ZNF92: variants seen among roughly 807,000 people sequenced by gnomAD.
ZNF92 encodes the protein zinc finger protein 92.
ZNF92 carries 11 observed loss-of-function variants against 12.4 expected under a neutral mutation model. That is an observed-to-expected ratio of 0.89 (90% CI 0.56 to 1.47). The LOEUF (loss-of-function observed/expected upper bound fraction) is 1.47, where lower values mean the gene tolerates loss of function less well. ZNF92 is among the 40% of genes most tolerant of loss of function. The pLI is 0.00. For missense variants in ZNF92, 622 were observed against 681.0 expected, an observed-to-expected ratio of 0.91 and a Z score of 0.96; for synonymous variants, 206 against 228.6, an observed-to-expected ratio of 0.90 and a Z score of 0.89.
intron 1 of ZNF92, among the ~76,000 whole-genome samples, chr7:65,386,595 A>G (rs1213656814): frequency 6.6e-6 from 1 of 152,128 alleles, no homozygotes; most frequent in Non-Finnish European, 1.5e-5. Context: ...TACTACCCAG[A>G]AAGTTCTGAA....
Position 65,399,957 on chromosome 7 carries a change from G to GAC in ZNF92, c.*84_*85dup. 1.6e-6 allele frequency: 2 copies of GAC among 1,237,892 alleles called. No homozygotes were observed. The highest frequency in any genetic ancestry group is 2.2e-6 in the Non-Finnish European group (2 of 900,282). The allele number at this position is 1,237,892 out of a possible 1,614,324, so 76.7% of individuals were successfully genotyped here. On this transcript the variant is annotated 3_prime_UTR_variant, in exon 4 of 4. Transcript: ENST00000328747. ...GGTGCCCTAGAAATGTGAGGAATATGACAAGGACTTTAAATGGTTGTCACG... is the reference window on the plus strand; with the variant it reads ...GGTGCCCTAGAAATGTGAGGAATATGACACAAGGACTTTAAATGGTTGTCACG...
chr7:65,380,990 T>C (rs183667925), intron 1 of ZNF92, among the ~76,000 whole-genome samples: 26 of 152,202 alleles, frequency 1.7e-4, no homozygotes, highest in Admixed American at 1.7e-3. Flanking sequence ...AATATGCTTG[T>C]TAGCCACATG....
chr7:65,374,321 A>G (rs1233398945), intron 1 of ZNF92, among the ~76,000 whole-genome samples: 1 of 152,128 alleles, frequency 6.6e-6, no homozygotes, highest in African/African-American at 2.4e-5. Context: ...AAAGAGAAGA[A>G]TCCTGACTCG....
intron 1 of ZNF92, among the ~76,000 whole-genome samples, chr7:65,379,220 C>T (rs2116340007): frequency 6.6e-6 from 1 of 152,226 alleles, no homozygotes; most frequent in East Asian, 1.9e-4. Flanking sequence ...TGTTGTGGGA[C>T]TGAATCCTGA....
In ZNF92 at chr7:65,398,432, T is replaced by C. The variant is rs889474565; in HGVS notation, c.318T>C (p.Tyr106=). The change falls in exon 4 of 4, where the codon TAT becomes TAC. Residue 106 remains tyrosine (Y), a synonymous_variant. Coordinates refer to ENST00000328747, the MANE Select transcript of ZNF92 (RefSeq NM_152626.4). ...TGATACTGAGAACATATGGAAAATA[T>C]GGACATGAGAATTTACAGCTAAGAA... The part of the protein sequence containing the change: ...QKVILRTYGK[Y]GHENLQLRKD... The C allele has an allele frequency of 1.1e-5, 18 of 1,612,734 alleles. No individual in the cohort carries two copies. The East Asian group carries it at 2.5e-4, about 22-fold the overall frequency.
intron 1 of ZNF92, among the ~76,000 whole-genome samples, chr7:65,379,067 A>G (rs1347289909): frequency 4.4e-5 from 6 of 135,436 alleles, no homozygotes; most frequent in Admixed American, 3.1e-4. Context: ...CAACATAACT[A>G]CAGTGTTTTG....
chr7:65,380,200 G>C (rs1386410865), intron 1 of ZNF92, among the ~76,000 whole-genome samples: 1 of 152,042 alleles, frequency 6.6e-6, no homozygotes, highest in African/African-American at 2.4e-5. Flanking sequence ...TCTTGTTCTT[G>C]TTTTATGGCC....
intron 1 of ZNF92, among the ~76,000 whole-genome samples, chr7:65,376,875 A>G (rs1367056638): frequency 6.6e-6 from 1 of 152,158 alleles, no homozygotes; most frequent in Non-Finnish European, 1.5e-5. Flanking sequence ...CATTTCCACA[A>G]GAAAATATGG....
At chr7:65,393,466 T>C (rs1189685450) in intron 3 of ZNF92, among the ~76,000 whole-genome samples, 1 of 152,080 alleles carries the variant, frequency 6.6e-6, no homozygotes, top group Non-Finnish European at 1.5e-5. Context: ...ACAATAAACA[T>C]AGATGTTCAA....
intron 3 of ZNF92, 148 bp from the exon 4 acceptor site, chr7:65,398,193 A>T: frequency 1.6e-6 from 1 of 632,350 alleles, no homozygotes; most frequent in East Asian, 2.9e-5. Context: ...TTTTTGTTAC[A>T]TTTATATTTC....
chr7:65,398,128 C>T (rs1793891060), intron 3 of ZNF92, among the ~76,000 whole-genome samples: 1 of 152,068 alleles, frequency 6.6e-6, no homozygotes, highest in African/African-American at 2.4e-5. Flanking sequence ...ACCTGGGGCA[C>T]TGTACACATT....
chr7:65,378,990 T>C (rs1793330289), intron 1 of ZNF92, among the ~76,000 whole-genome samples: 1 of 151,914 alleles, frequency 6.6e-6, no homozygotes, highest in African/African-American at 2.4e-5. Context: ...TCCCTGCTTC[T>C]TTTTTTTGTC....
rs146957082 is a variant in ZNF92 at position 65,396,015 on chromosome 7, G to A, written c.227-2326G>A. The stretch of plus-strand genomic sequence containing the variant: ...CTGCAGCCTCAACCTCCCAAACTCA[G>A]ATGATCTTCTCATTTCAGCCTGTCA... On this transcript the variant is annotated intron_variant, in intron 3 of 3. Coordinates refer to ENST00000328747, the MANE Select transcript of ZNF92 (RefSeq NM_152626.4). 3.8e-3 allele frequency among the ~76,000 whole-genome samples: 573 copies of A among 152,134 alleles called. 3 individuals carry two copies. Among genetic ancestry groups the A allele is most frequent in the Middle Eastern group, 0.01 (3 of 294 alleles).
intron 1 of ZNF92, among the ~76,000 whole-genome samples, chr7:65,384,234 C>T (rs1793503065): frequency 1.3e-5 from 2 of 152,120 alleles, no homozygotes; most frequent in Admixed American, 1.3e-4. Context: ...ATTACACAAA[C>T]TGTGGGATTT....
chr7:65,376,729 G>A (rs1412976531), intron 1 of ZNF92, among the ~76,000 whole-genome samples: 1 of 152,186 alleles, frequency 6.6e-6, no homozygotes, highest in Non-Finnish European at 1.5e-5. Context: ...ACAGGCGTGA[G>A]CCACCGCGCC....
At chr7:65,381,406 C>T (rs1793415404) in intron 1 of ZNF92, among the ~76,000 whole-genome samples, 1 of 151,484 alleles carries the variant, frequency 6.6e-6, no homozygotes, top group South Asian at 2.1e-4. Context: ...CTTATGGATT[C>T]TGGATATTAG....
Position 65,396,079 on chromosome 7 carries a change from G to C in ZNF92, c.227-2262G>C, listed in dbSNP as rs550461846. Among the ~76,000 whole-genome samples, 204 of 143,378 alleles carry C rather than the reference G, an allele frequency of 1.4e-3. 1 individual carries two copies. The highest frequency in any genetic ancestry group is 5.5e-3 in the African/African-American group (196 of 35,718). The allele number at this position is 143,378 out of a possible 152,430, so 94.1% of individuals were successfully genotyped here. On this transcript the variant is annotated intron_variant, in intron 3 of 3. Transcript: ENST00000328747. ...AGGCATGTGCCATCATACCCAGCTA[G>C]TTTTTTGTATTTTCTGTAAAGACGG...
chr7:65,391,617 C>T (rs988402225), intron 3 of ZNF92, among the ~76,000 whole-genome samples: 1 of 152,158 alleles, frequency 6.6e-6, no homozygotes, highest in East Asian at 1.9e-4. Flanking sequence ...AGGCACTAAC[C>T]ATATTCAGCA....
chr7:65,383,200 G>A (rs779809893), intron 1 of ZNF92, among the ~76,000 whole-genome samples: 2 of 152,058 alleles, frequency 1.3e-5, no homozygotes, highest in Non-Finnish European at 2.9e-5. Flanking sequence ...TTCAAGCTTG[G>A]CCCAAGTGAA....
Sources: gnomAD v4.1 joint callset for allele counts (sites outside exome capture counted in the v4.1 genomes callset) on GRCh38, gnomAD v4.1.1 for gene constraint, MANE v1.5 for transcripts, NCBI Gene and HGNC (gene_info 2026-07-23, HGNC 2026-07-21) for gene names.